The following KCNIP1 variants were observed in gnomAD, a reference collection of about 807,000 sequenced individuals.
KCNIP1 encodes potassium voltage-gated channel interacting protein 1.
Under a neutral mutation model 33.0 loss-of-function variants are expected in KCNIP1, and 18 were observed. That is an observed-to-expected ratio of 0.55 (90% CI 0.38 to 0.81). The LOEUF (loss-of-function observed/expected upper bound fraction) is 0.81, where lower values mean the gene tolerates loss of function less well. KCNIP1 is among the 30% of genes least tolerant of loss of function. KCNIP1 has a pLI of 0.00. For synonymous variants in KCNIP1, 93 were observed against 98.3 expected, an observed-to-expected ratio of 0.95 and a Z score of 0.32; for missense variants, 238 against 271.6, an observed-to-expected ratio of 0.88 and a Z score of 0.87.
At chr5:170,719,877 G>C (rs1174886062) in intron 2 of KCNIP1, among the ~76,000 whole-genome samples, 3 of 152,174 alleles carry the variant, frequency 2.0e-5, no homozygotes, top group East Asian at 3.9e-4. Flanking sequence ...CAGGCACTGG[G>C]CTCAGAGGGA....
chr5:170,624,695 AGAGGGGAGGG>A (rs1442544550), intron 1 of KCNIP1, among the ~76,000 whole-genome samples: 1 of 121,508 alleles, frequency 8.2e-6, no homozygotes, highest in Non-Finnish European at 1.7e-5. Context: ...GGAGGAGAGG[AGAGGGGAGGG>A]GAGGAGAGGA....
At chr5:170,493,148 G>A (rs1029710608) in intron 1 of KCNIP1, among the ~76,000 whole-genome samples, 2 of 152,172 alleles carry the variant, frequency 1.3e-5, no homozygotes, top group African/African-American at 4.8e-5. Flanking sequence ...GGTTTCTGTG[G>A]TAGAAAGTTT....
chr5:170,640,717 T>C (rs542942262), intron 1 of KCNIP1, among the ~76,000 whole-genome samples: 1 of 152,308 alleles, frequency 6.6e-6, no homozygotes, highest in African/African-American at 2.4e-5. Context: ...TTCATGTATA[T>C]TCAGGAAGAA....
intron 1 of KCNIP1, among the ~76,000 whole-genome samples, chr5:170,607,176 C>T (rs1334766099): frequency 6.6e-6 from 1 of 152,180 alleles, no homozygotes; most frequent in Non-Finnish European, 1.5e-5. Flanking sequence ...CTGGGATCAG[C>T]CTGCCCTGGT....
At chr5:170,580,793 T>C (rs1430825500) in intron 1 of KCNIP1, among the ~76,000 whole-genome samples, 2 of 152,218 alleles carry the variant, frequency 1.3e-5, no homozygotes, top group Non-Finnish European at 2.9e-5. Context: ...AGGCCCTCTA[T>C]GGGTCCAAGA....
chr5:170,575,292 A>G (rs1367862551), intron 1 of KCNIP1, among the ~76,000 whole-genome samples: 12 of 152,262 alleles, frequency 7.9e-5, no homozygotes, highest in Non-Finnish European at 8.8e-5. Flanking sequence ...GTACATATTA[A>G]GTAACATTAT....
intron 1 of KCNIP1, among the ~76,000 whole-genome samples, chr5:170,648,266 T>C (rs1760873639): frequency 6.6e-6 from 1 of 152,246 alleles, no homozygotes; most frequent in African/African-American, 2.4e-5. Flanking sequence ...GATTCATCAG[T>C]CATGCCCTTT....
rs549599543 is a variant in KCNIP1 at position 170,393,139 on chromosome 5, G to A, written c.88+39175G>A. 2.4e-4 allele frequency among the ~76,000 whole-genome samples: 37 copies of A among 152,246 alleles called. 1 individual carries two copies. The highest frequency in any genetic ancestry group is 8.7e-4 in the African/African-American group (36 of 41,526). ...CCTGTGCCCGCTGACTCCACAGCCC[G>A]TCCCTGCCCCTCTGTCACCCCATGA... is the stretch of plus-strand genomic sequence containing the variant. On this transcript the variant is annotated intron_variant, in intron 1 of 7. Coordinates refer to the KCNIP1 transcript ENST00000377360.
intron 5 of KCNIP1, among the ~76,000 whole-genome samples, chr5:170,728,292 T>C (rs1027161967): frequency 6.6e-6 from 1 of 152,184 alleles, no homozygotes; most frequent in African/African-American, 2.4e-5. Flanking sequence ...AAAGATGATG[T>C]CTGCACACTG....
intron 1 of KCNIP1, among the ~76,000 whole-genome samples, chr5:170,476,558 A>AG (rs2113151771): frequency 6.6e-6 from 1 of 152,342 alleles, no homozygotes; most frequent in Admixed American, 6.5e-5. Flanking sequence ...CTTAAAAAAT[A>AG]GCAGTATGAC....
chr5:170,610,916 G>A (rs1759123624), intron 1 of KCNIP1, among the ~76,000 whole-genome samples: 1 of 152,184 alleles, frequency 6.6e-6, no homozygotes, highest in Non-Finnish European at 1.5e-5. Context: ...CCTAGTATGT[G>A]CGGGGTTCTT....
intron 1 of KCNIP1, among the ~76,000 whole-genome samples, chr5:170,703,673 T>A (rs1271318565): frequency 7.3e-6 from 1 of 137,590 alleles, no homozygotes; most frequent in African/African-American, 2.7e-5. Context: ...GCTGCCAGAT[T>A]GTGATTTCTG....
rs184122997 is a variant in KCNIP1, at chr5:170,599,986, C to A, written c.61+95353C>A. ...AAGGTCCTCATCAATCCTAAGATGACATTTATTGAGAGCACATGATGTGCC... is the reference window on the plus strand; with the variant it reads ...AAGGTCCTCATCAATCCTAAGATGAAATTTATTGAGAGCACATGATGTGCC... On this transcript the variant is annotated intron_variant, in intron 1 of 7. Coordinates refer to ENST00000328939, the MANE Select transcript of KCNIP1 (RefSeq NM_014592.4). 1.9e-3 allele frequency among the ~76,000 whole-genome samples: 283 copies of A among 152,304 alleles called. 1 individual carries two copies. The highest frequency in any genetic ancestry group is 6.3e-3 in the African/African-American group (263 of 41,574).
intron 1 of KCNIP1, among the ~76,000 whole-genome samples, chr5:170,522,555 A>T (rs985591777): frequency 6.6e-6 from 1 of 152,228 alleles, no homozygotes; most frequent in Non-Finnish European, 1.5e-5. Context: ...TGGGTGTGCC[A>T]GCAAAATCAG....
At chr5:170,683,560 G>A (rs1357869203) in intron 1 of KCNIP1, among the ~76,000 whole-genome samples, 1 of 152,072 alleles carries the variant, frequency 6.6e-6, no homozygotes, top group Non-Finnish European at 1.5e-5. Flanking sequence ...TTGATATGGA[G>A]ACTCTGTTCA....
intron 1 of KCNIP1, among the ~76,000 whole-genome samples, chr5:170,568,534 C>T (rs187576251): frequency 9.5e-4 from 143 of 149,946 alleles, no homozygotes; most frequent in Admixed American, 3.8e-3. Flanking sequence ...AAGTTCATGC[C>T]GGGTGCAGTG....
chr5:170,635,120 T>TC (rs781484137), intron 1 of KCNIP1, among the ~76,000 whole-genome samples: 4 of 152,170 alleles, frequency 2.6e-5, no homozygotes, highest in Non-Finnish European at 4.4e-5. Context: ...ATCTCCGCCT[T>TC]CCGGGCTAAG....
At chr5:170,689,389 T>C (rs554212447) in intron 1 of KCNIP1, among the ~76,000 whole-genome samples, 2 of 152,346 alleles carry the variant, frequency 1.3e-5, no homozygotes, top group South Asian at 4.1e-4. Flanking sequence ...TGCATGGTCA[T>C]ATGTCCCTTG....
At chr5:170,443,239 C>T (rs1321497756) in intron 1 of KCNIP1, among the ~76,000 whole-genome samples, 1 of 151,492 alleles carries the variant, frequency 6.6e-6, no homozygotes, top group Admixed American at 6.6e-5. Flanking sequence ...CATTCCCCAC[C>T]CCCCGGCCCT....
Sources: allele counts gnomAD v4.1 joint callset (sites outside exome capture counted in the v4.1 genomes callset), GRCh38; gene constraint gnomAD v4.1.1; transcripts MANE v1.5; gene names NCBI Gene and HGNC (gene_info 2026-07-23, HGNC 2026-07-21).